The following CRTC1 variants were observed in gnomAD, a reference collection of about 807,000 sequenced individuals.
CRTC1 encodes CREB-regulated transcription coactivator 1.
In CRTC1, 18 loss-of-function variants were observed where a neutral mutation model predicts 66.1. That is an observed-to-expected ratio of 0.27 (90% CI 0.19 to 0.40). The LOEUF is 0.40. CRTC1 is among the 10% of genes least tolerant of loss of function. The probability of loss-of-function intolerance (pLI) is 1.00; values close to 1 mark genes in which losing one functional copy is unlikely to be tolerated. For missense variants in CRTC1, 669 were observed against 887.9 expected, an observed-to-expected ratio of 0.75 and a Z score of 3.13; for synonymous variants, 416 against 398.8, an observed-to-expected ratio of 1.04 and a Z score of -0.51.
intron 1 of CRTC1, among the ~76,000 whole-genome samples, chr19:18,703,973 C>T (rs954604152): frequency 6.6e-6 from 1 of 152,184 alleles, no homozygotes; most frequent in East Asian, 1.9e-4. Flanking sequence ...CCTCATCATC[C>T]GTGACCTTCA....
In CRTC1 at chr19:18,768,708, C is replaced by A; in HGVS notation, c.1235C>A (p.Pro412Gln). Residue 412 changes from proline (P) to glutamine (Q), a missense_variant, in exon 10 of 14, where the codon CCG (proline) becomes CAG (glutamine). Pro to Gln is a moderately conservative substitution (Grantham distance 76). This residue lies in a region of CRTC1 where 241 missense variants were observed against 242.2 expected (regional missense o/e 0.99). Transcript: ENST00000321949. The surrounding 1 kb of genome is among the most constrained non-coding windows in gnomAD (Gnocchi z 5.6). The part of the protein sequence containing the change: ...ASLTRGPQPP[P>Q]LAVTVPSSLP... The stretch of plus-strand genomic sequence containing the variant: ...CTGACTCGTGGGCCACAGCCGCCCC[C>A]GCTTGCAGTCACGGTACCGTCCTCT... The A allele has an allele frequency of 6.3e-7, 1 of 1,591,392 alleles. No homozygotes were observed. The highest frequency in any genetic ancestry group is 2.3e-5 in the East Asian group (1 of 43,314).
chr19:18,708,758 C>T (rs960278244), intron 1 of CRTC1, among the ~76,000 whole-genome samples: 3 of 152,338 alleles, frequency 2.0e-5, no homozygotes, highest in East Asian at 1.9e-4. Context: ...TTCCCACCGC[C>T]GTTCGGGACC....
chr19:18,743,997 T>G, intron 2 of CRTC1: 2 of 1,105,756 alleles, frequency 1.8e-6, no homozygotes, highest in Non-Finnish European at 2.7e-6. Context: ...CAGGACCCTG[T>G]TGGGTGTCTG....
intron 8 of CRTC1, among the ~76,000 whole-genome samples, chr19:18,761,876 G>A (rs1018411849): frequency 5.3e-5 from 8 of 152,058 alleles, no homozygotes; most frequent in Admixed American, 1.3e-4. Context: ...CAGCCCGAGC[G>A]CATTGAGGCT....
Position 18,779,147 on chromosome 19 carries a change from C to T in CRTC1, c.*1765C>T, listed in dbSNP as rs191350218. On this transcript the variant is annotated 3_prime_UTR_variant, in exon 14 of 14. Coordinates refer to ENST00000321949, the MANE Select transcript of CRTC1 (RefSeq NM_015321.3). Reference sequence around the variant, plus strand: ...GCGGCTCTCGCTCGCTCCTGCCTGCCGGGACAGCGCCTTCTGCTGAGTCCG... The same window carrying T: ...GCGGCTCTCGCTCGCTCCTGCCTGCTGGGACAGCGCCTTCTGCTGAGTCCG... The T allele has an allele frequency of 1.7e-4, 40 of 232,662 alleles. No homozygotes were observed. The highest frequency in any genetic ancestry group is 1.2e-3 in the Admixed American group (21 of 17,776). The allele number at this position is 232,662 out of a possible 1,614,324, so 14.4% of individuals were successfully genotyped here.
chr19:18,693,073 T>TAAA (rs1195634209), intron 1 of CRTC1, among the ~76,000 whole-genome samples: 1 of 30,536 alleles, frequency 3.3e-5, no homozygotes, highest in African/African-American at 3.3e-4. Flanking sequence ...AGACTCCGTC[T>TAAA]CAAAAAAAAA....
Position 18,779,731 on chromosome 19 carries a change from A to G in CRTC1, c.*2349A>G, listed in dbSNP as rs1038696040. 1.3e-5 allele frequency: 3 copies of G among 223,902 alleles called. No homozygotes were observed. Among genetic ancestry groups the G allele is most frequent in the African/African-American group, 6.7e-5 (3 of 44,726 alleles). 13.9% of individuals were successfully genotyped at this position (223,902 alleles called of 1,614,324 possible). ...TCGGAGCATCCCAGGCCCGTGGCCC[A>G]TTTTCAGCATCCTGAAGCCAGATTC... On this transcript the variant is annotated 3_prime_UTR_variant, in exon 14 of 14. Coordinates refer to ENST00000321949, the MANE Select transcript of CRTC1 (RefSeq NM_015321.3).
rs758099404 is a variant in CRTC1, at chr19:18,774,989, G to A, written c.1512+3G>A. 6.2e-7 allele frequency: 1 copy of A among 1,603,284 alleles called. No individual in the cohort carries two copies. Among genetic ancestry groups the A allele is most frequent in the Non-Finnish European group, 8.5e-7 (1 of 1,179,838 alleles). ...AGGCCAATGCTCTGTCCCACCAGGT[G>A]AGCGGGCGCCCAGGCTGCCAGCCGG... On this transcript the variant is annotated splice_donor_region_variant and intron_variant, in intron 12 of 13. Coordinates refer to ENST00000321949, the MANE Select transcript of CRTC1 (RefSeq NM_015321.3).
intron 2 of CRTC1, among the ~76,000 whole-genome samples, chr19:18,743,804 T>TCCGGCATAC (rs1192495765): frequency 3.1e-4 from 47 of 152,336 alleles, no homozygotes; most frequent in Admixed American, 1.7e-3. Flanking sequence ...GTGCGCCTCC[T>TCCGGCATAC]CCGGCATACA....
In CRTC1 at chr19:18,765,627, C is replaced by CA. The variant is rs2054714444; in HGVS notation, c.1011+103dup. 4.2e-6 allele frequency: 5 copies of CA among 1,203,978 alleles called. No homozygotes were observed. In the South Asian group the frequency reaches 7.9e-5, roughly 19 times the overall value. 74.6% of individuals were successfully genotyped at this position (1,203,978 alleles called of 1,614,324 possible). On this transcript the variant is annotated intron_variant, in intron 9 of 13. Transcript: ENST00000321949. ...GCCTCCTGTTCCTTCCAGGAGGCCA[C>CA]AAAACCTTGAGAATGCTCCCAACAC... is the stretch of plus-strand genomic sequence containing the variant.
In CRTC1 at chr19:18,759,535, C is replaced by G. The variant is rs745877749; in HGVS notation, c.625-16C>G. 13 of 1,611,880 alleles carry G rather than the reference C, an allele frequency of 8.1e-6. No individual in the cohort carries two copies. In the East Asian group the frequency reaches 2.5e-4, roughly 30 times the overall value. On this transcript the variant is annotated splice_polypyrimidine_tract_variant and intron_variant, in intron 6 of 13. Coordinates refer to ENST00000321949, the MANE Select transcript of CRTC1 (RefSeq NM_015321.3). Reference sequence around the variant, plus strand: ...GGTGTGCCCCAGGGCTCAGGCTCTCCTGTCTTCTCTTTCAGACGGGGTCCA... The same window carrying G: ...GGTGTGCCCCAGGGCTCAGGCTCTCGTGTCTTCTCTTTCAGACGGGGTCCA...
intron 1 of CRTC1, among the ~76,000 whole-genome samples, chr19:18,684,088 C>T (rs1432821088): frequency 6.6e-6 from 1 of 151,880 alleles, no homozygotes; most frequent in Non-Finnish European, 1.5e-5. Flanking sequence ...AGACAGGGGC[C>T]TCTATATCAT....
rs557136352 is a variant in CRTC1, at chr19:18,768,433, C to T, written c.1012-52C>T. ...GCCAGGCTATGGGGGCCCGAGGGGGCCAGGCGCTGACAACCAGGGCCCGCC... is the reference window on the plus strand; with the variant it reads ...GCCAGGCTATGGGGGCCCGAGGGGGTCAGGCGCTGACAACCAGGGCCCGCC... On this transcript the variant is annotated intron_variant, in intron 9 of 13. Coordinates refer to ENST00000321949, the MANE Select transcript of CRTC1 (RefSeq NM_015321.3). This position sits in a 1 kb window ranked among gnomAD's most constrained non-coding sequence, Gnocchi z 5.6. 3.3e-6 allele frequency: 5 copies of T among 1,518,876 alleles called. No individual in the cohort carries two copies. In the South Asian group the frequency reaches 4.6e-5, roughly 14 times the overall value. The allele number at this position is 1,518,876 out of a possible 1,614,324, so 94.1% of individuals were successfully genotyped here. A position where few individuals can be genotyped will look rare whatever the true frequency, so the allele number is the denominator to read the frequency against.
chr19:18,755,689 G>A (rs961281827), intron 6 of CRTC1, among the ~76,000 whole-genome samples: 56 of 142,580 alleles, frequency 3.9e-4, no homozygotes, highest in African/African-American at 1.3e-3. Flanking sequence ...TGCAACCTCC[G>A]TCCCCCAGGT....
intron 4 of CRTC1, 79 bp from the exon 5 acceptor site, chr19:18,749,702 C>T: frequency 6.8e-6 from 8 of 1,173,180 alleles, no homozygotes; most frequent in South Asian, 4.9e-5. Flanking sequence ...GTCCATCCAG[C>T]GTGTCCCAGC....
chr19:18,731,831 T>A (rs2053896594), intron 1 of CRTC1, among the ~76,000 whole-genome samples: 1 of 152,198 alleles, frequency 6.6e-6, no homozygotes, highest in Non-Finnish European at 1.5e-5. Flanking sequence ...GGGAAGGCAC[T>A]GCTGGTCACC....
intron 11 of CRTC1, among the ~76,000 whole-genome samples, chr19:18,773,809 C>T (rs1013497473): frequency 6.6e-6 from 1 of 152,072 alleles, no homozygotes; most frequent in African/African-American, 2.4e-5. Flanking sequence ...GCGTGTCTGT[C>T]TCTGTTGTCT....
chr19:18,701,791 T>C (rs1482538938), intron 1 of CRTC1, among the ~76,000 whole-genome samples: 1 of 151,546 alleles, frequency 6.6e-6, no homozygotes, highest in Non-Finnish European at 1.5e-5. Context: ...ATTTTTTTTG[T>C]ATTTTTAGTA....
intron 5 of CRTC1, among the ~76,000 whole-genome samples, chr19:18,751,194 A>G (rs2054355440): frequency 6.6e-6 from 1 of 152,172 alleles, no homozygotes; most frequent in Admixed American, 6.5e-5. Flanking sequence ...CCCAGTTACA[A>G]GTAAAAAAAA....
Sources: allele counts gnomAD v4.1 joint callset (sites outside exome capture counted in the v4.1 genomes callset), GRCh38; gene constraint gnomAD v4.1.1; regional missense constraint gnomAD v4.1.1; non-coding constraint Gnocchi (gnomAD v3.1); transcripts MANE v1.5; gene names NCBI Gene and HGNC (gene_info 2026-07-23, HGNC 2026-07-21).